The following GOLPH3 variants were observed in gnomAD, a reference collection of about 807,000 sequenced individuals.
The protein encoded by GOLPH3 is golgi phosphoprotein 3.
Under a neutral mutation model 28.5 loss-of-function variants are expected in GOLPH3, and 14 were observed. The ratio of observed to expected loss-of-function variants is 0.49; its 90% CI spans 0.32 to 0.77. The LOEUF (loss-of-function observed/expected upper bound fraction) is 0.77, where lower values mean the gene tolerates loss of function less well. Among genes scored for constraint, GOLPH3 ranks in the 30% least tolerant of loss-of-function variants. The probability of loss-of-function intolerance (pLI) is 0.03; values close to 1 mark genes in which losing one functional copy is unlikely to be tolerated. For synonymous variants in GOLPH3, 158 were observed against 159.2 expected, an observed-to-expected ratio of 0.99 and a Z score of 0.06; for missense variants, 350 against 393.7, an observed-to-expected ratio of 0.89 and a Z score of 0.94.
intron 3 of GOLPH3, among the ~76,000 whole-genome samples, chr5:32,133,150 A>G (rs1417902094): frequency 6.6e-6 from 1 of 152,236 alleles, no homozygotes; most frequent in Non-Finnish European, 1.5e-5. Context: ...GTGTTTACAT[A>G]CTTGTGAGAA....
intron 2 of GOLPH3, among the ~76,000 whole-genome samples, chr5:32,139,554 T>C (rs959977146): frequency 2.6e-5 from 4 of 152,260 alleles, no homozygotes; most frequent in Non-Finnish European, 5.9e-5. Flanking sequence ...AATCTTACCA[T>C]GGCATTCCAC....
At chr5:32,167,709 G>C (rs1191741012) in intron 1 of GOLPH3, among the ~76,000 whole-genome samples, 1 of 148,230 alleles carries the variant, frequency 6.7e-6, no homozygotes, top group Non-Finnish European at 1.5e-5. Flanking sequence ...CCAGAACTTT[G>C]GGAGGCCAAG....
intron 1 of GOLPH3, among the ~76,000 whole-genome samples, chr5:32,171,102 A>T (rs1296728023): frequency 6.6e-6 from 1 of 152,216 alleles, no homozygotes; most frequent in Non-Finnish European, 1.5e-5. Flanking sequence ...TTAAACTTCA[A>T]CAAATTATTT....
intron 3 of GOLPH3, among the ~76,000 whole-genome samples, chr5:32,133,121 G>A (rs1745858576): frequency 6.6e-6 from 1 of 152,164 alleles, no homozygotes; most frequent in South Asian, 2.1e-4. Context: ...AACAGACAGT[G>A]CTTTACAAAA....
chr5:32,166,908 A>T (rs1273736853), intron 1 of GOLPH3, among the ~76,000 whole-genome samples: 1 of 151,868 alleles, frequency 6.6e-6, no homozygotes, highest in Non-Finnish European at 1.5e-5. Context: ...CAAAGACTAC[A>T]GCATAGTTTT....
At chr5:32,160,547 T>C (rs1746549021) in intron 1 of GOLPH3, among the ~76,000 whole-genome samples, 1 of 152,208 alleles carries the variant, frequency 6.6e-6, no homozygotes, top group South Asian at 2.1e-4. Flanking sequence ...ATAAATAAAA[T>C]GGTGTCCCCT....
At chr5:32,134,883 C>T (rs1745899625) in intron 3 of GOLPH3, 1 of 152,146 alleles carries the variant, frequency 6.6e-6, no homozygotes. Context: ...TCCAATAGGA[C>T]TTTTATAAAT....
At chr5:32,162,230 C>A (rs1351565398) in intron 1 of GOLPH3, among the ~76,000 whole-genome samples, 3 of 150,932 alleles carry the variant, frequency 2.0e-5, no homozygotes, top group African/African-American at 2.5e-5. Flanking sequence ...TGGTGGCTCA[C>A]GCCTGTAATC....
chr5:32,134,212 A>T (rs962387771), intron 3 of GOLPH3, among the ~76,000 whole-genome samples: 32 of 151,500 alleles, frequency 2.1e-4, no homozygotes, highest in South Asian at 2.1e-4. Flanking sequence ...TCTACAAAAA[A>T]TTTTTTTTCT....
rs1561678997 is a variant in GOLPH3 at position 32,158,112 on chromosome 5, AAAT to A, written c.226-14235_226-14233del. On this transcript the variant is annotated intron_variant, in intron 1 of 3. Coordinates refer to ENST00000265070, the MANE Select transcript of GOLPH3 (RefSeq NM_022130.4). ...TCTCAAAATAAATAAATAAATAAAT[AAAT>A]AAATAAATAAATAAAATACACACAC... Among the ~76,000 whole-genome samples the A allele has an allele frequency of 1.6e-3, 195 of 119,516 alleles. 10 individuals carry two copies. The highest frequency in any genetic ancestry group is 2.3e-3 in the Admixed American group (26 of 11,248). The allele number at this position is 119,516 out of a possible 152,430, so 78.4% of individuals were successfully genotyped here.
Position 32,129,119 on chromosome 5 carries a change from T to C in GOLPH3, c.473-2483A>G, listed in dbSNP as rs546586467. ...ATCGCTTGAACCCGGGAGGCGGAGG[T>C]TGCAGTGAGCCGAGATTGCACCACT... On this transcript the variant is annotated intron_variant, in intron 3 of 3. Coordinates refer to ENST00000265070, the MANE Select transcript of GOLPH3 (RefSeq NM_022130.4). Among the ~76,000 whole-genome samples, 9 of 152,086 alleles carry C rather than the reference T, an allele frequency of 5.9e-5. No individual in the cohort carries two copies. The East Asian group carries it at 1.5e-3, about 26-fold the overall frequency.
chr5:32,150,768 G>A (rs900467252), intron 1 of GOLPH3, among the ~76,000 whole-genome samples: 6 of 151,962 alleles, frequency 3.9e-5, no homozygotes, highest in Non-Finnish European at 5.9e-5. Context: ...TGATTCTCAC[G>A]CTGGTGCTGA....
chr5:32,129,613 G>A (rs1161345077), intron 3 of GOLPH3, among the ~76,000 whole-genome samples: 2 of 152,176 alleles, frequency 1.3e-5, no homozygotes, highest in Non-Finnish European at 2.9e-5. Context: ...TGAACAAAGT[G>A]CCTAGAGGAG....
Position 32,173,817 on chromosome 5 carries a change from T to C in GOLPH3, c.218A>G (p.Asp73Gly). 6.8e-7 allele frequency: 1 copy of C among 1,462,138 alleles called. No homozygotes were observed. The allele number at this position is 1,462,138 out of a possible 1,614,324, so 90.6% of individuals were successfully genotyped here. Residue 73 changes from aspartate (D) to glycine (G), a missense_variant, in exon 1 of 4, where the codon GAC becomes GGC. Asp to Gly is a moderately conservative substitution (Grantham distance 94). Transcript: ENST00000265070. ...AGCCCGCCGCGCCCGCACCTCGCGGTCCTTGAGGCCCAGCAGGAGCACTTC... is the reference window on the plus strand; with the variant it reads ...AGCCCGCCGCGCCCGCACCTCGCGGCCCTTGAGGCCCAGCAGGAGCACTTC... ...MEEVLLLGLK[D>G]REGYTSFWND...
intron 1 of GOLPH3, among the ~76,000 whole-genome samples, chr5:32,162,309 G>A (rs1228395197): frequency 2.0e-5 from 3 of 150,346 alleles, no homozygotes; most frequent in Admixed American, 1.3e-4. Flanking sequence ...TGGCTAACAC[G>A]ATGAAACCCC....
intron 2 of GOLPH3, among the ~76,000 whole-genome samples, chr5:32,137,082 T>A (rs1301425717): frequency 6.6e-6 from 1 of 151,892 alleles, no homozygotes; most frequent in Non-Finnish European, 1.5e-5. Context: ...GCCTCAGCCT[T>A]CCAAGTAGCT....
At chr5:32,164,015 G>A (rs1746650827) in intron 1 of GOLPH3, among the ~76,000 whole-genome samples, 1 of 152,170 alleles carries the variant, frequency 6.6e-6, no homozygotes, top group African/African-American at 2.4e-5. Flanking sequence ...TGTCCCAGAA[G>A]GTAGTGGTGG....
chr5:32,130,570 T>G (rs1373138677), intron 3 of GOLPH3, among the ~76,000 whole-genome samples: 2 of 152,282 alleles, frequency 1.3e-5, no homozygotes, highest in Non-Finnish European at 2.9e-5. Context: ...GAAGGAATTC[T>G]ATACTCCAGA....
intron 1 of GOLPH3, among the ~76,000 whole-genome samples, chr5:32,146,072 G>T (rs1213270279): frequency 6.6e-6 from 1 of 152,042 alleles, no homozygotes; most frequent in African/African-American, 2.4e-5. Flanking sequence ...CAAGCAGATT[G>T]CTTGAGCCCA....
Sources: allele counts gnomAD v4.1 joint callset (sites outside exome capture counted in the v4.1 genomes callset), GRCh38; gene constraint gnomAD v4.1.1; transcripts MANE v1.5; gene names NCBI Gene and HGNC (gene_info 2026-07-23, HGNC 2026-07-21).